The following PRSS55 variants were observed in gnomAD, a reference collection of about 807,000 sequenced individuals.
The protein encoded by PRSS55 is serine protease 55.
A neutral mutation model predicts 23.6 loss-of-function variants in PRSS55; 41 were observed. That is an observed-to-expected ratio of 1.74 (90% CI 1.35 to 2.26). The LOEUF is 2.26. PRSS55 is among the 30% of genes most tolerant of loss of function. The pLI, the probability that PRSS55 is intolerant of heterozygous loss-of-function variation, is 0.00. For missense variants in PRSS55, 669 were observed against 439.1 expected (o/e 1.52, Z -4.68); for synonymous variants, 262 against 175.5 (o/e 1.49, Z -3.90).
chr8:10,542,414 C>CCG (rs373640043), downstream of PRSS55, among the ~76,000 whole-genome samples: 3 of 79,706 alleles, frequency 3.8e-5, no homozygotes, highest in African/African-American at 6.9e-5. Context: ...AAGCACCATG[C>CCG]GGGGGAAAAA....
At chr8:10,536,051 T>C (rs1293914227) in intron 4 of PRSS55, among the ~76,000 whole-genome samples, 3 of 152,046 alleles carry the variant, frequency 2.0e-5, no homozygotes, top group East Asian at 1.9e-4. Flanking sequence ...CCGGGCGTGG[T>C]GGTGGGTACC....
chr8:10,533,853 G>C (rs1812359570), intron 4 of PRSS55, among the ~76,000 whole-genome samples: 1 of 152,156 alleles, frequency 6.6e-6, no homozygotes, highest in Non-Finnish European at 1.5e-5. Context: ...CCATGGAAAA[G>C]AAAGATATTT....
chr8:10,538,320 C>G (rs1020019487), intron 4 of PRSS55, among the ~76,000 whole-genome samples, 156 bp from the exon 5 acceptor site: 1 of 152,224 alleles, frequency 6.6e-6, no homozygotes, highest in African/African-American at 2.4e-5. Context: ...CCAGAGCCAA[C>G]CTGGCAGCCA....
At chr8:10,534,696 G>A (rs1585876931) in intron 4 of PRSS55, among the ~76,000 whole-genome samples, 1 of 152,112 alleles carries the variant, frequency 6.6e-6, no homozygotes, top group Admixed American at 6.5e-5. Context: ...ATTCAACATA[G>A]TACTAGAAGT....
chr8:10,528,665 C>A (rs912236914), intron 1 of PRSS55, among the ~76,000 whole-genome samples: 6 of 152,168 alleles, frequency 3.9e-5, no homozygotes, highest in African/African-American at 7.2e-5. Context: ...TATGCCCCAC[C>A]CCTTGTGGTT....
At position 10,530,446 on chromosome 8, in the gene PRSS55, C is replaced by T. The variant is rs1450687841; in HGVS notation, c.347+747C>T. ...GCCAAGATCGCACCACTGGCACTCC[C>T]GCCTGGGCGACAGAGCGAAACTCCA... On this transcript the variant is annotated intron_variant, in intron 2 of 4. Transcript: ENST00000328655. Among the ~76,000 whole-genome samples the T allele has an allele frequency of 4.6e-5, 7 of 152,326 alleles. No homozygotes were observed. In the East Asian group the frequency reaches 7.7e-4, roughly 17 times the overall value.
intron 4 of PRSS55, among the ~76,000 whole-genome samples, chr8:10,535,448 A>G (rs924814881): frequency 1.3e-5 from 2 of 152,220 alleles, no homozygotes; most frequent in African/African-American, 2.4e-5. Flanking sequence ...ATCAAAGTCA[A>G]CAATAACAAG....
intron 4 of PRSS55, among the ~76,000 whole-genome samples, chr8:10,552,940 T>C (rs571753183): frequency 1.6e-3 from 246 of 152,316 alleles, no homozygotes; most frequent in African/African-American, 5.6e-3. Flanking sequence ...GGAAATGAAA[T>C]CAGTATGTTG....
intron 4 of PRSS55, among the ~76,000 whole-genome samples, chr8:10,549,787 G>C (rs932248122): frequency 7.1e-6 from 1 of 140,106 alleles, no homozygotes; most frequent in Non-Finnish European, 1.6e-5. Flanking sequence ...GCAGCTCCCC[G>C]CTCTGTCATT....
At chr8:10,527,133 T>C (rs1043274321) in intron 1 of PRSS55, among the ~76,000 whole-genome samples, 1 of 152,270 alleles carries the variant, frequency 6.6e-6, no homozygotes, top group African/African-American at 2.4e-5. Context: ...ATGATTTTCA[T>C]CCTGACTTTT....
chr8:10,530,107 G>A (rs550175909), intron 2 of PRSS55, among the ~76,000 whole-genome samples: 1 of 152,362 alleles, frequency 6.6e-6, no homozygotes, highest in South Asian at 2.1e-4. Context: ...CGTTCTCTGT[G>A]TGACAGCATG....
chr8:10,550,611 A>C (rs1411399634), intron 4 of PRSS55, among the ~76,000 whole-genome samples: 1 of 152,172 alleles, frequency 6.6e-6, no homozygotes, highest in East Asian at 1.9e-4. Flanking sequence ...CCCACTTCTG[A>C]GACCGATTGC....
At chr8:10,533,451 T>G (rs1020195798) in intron 4 of PRSS55, among the ~76,000 whole-genome samples, 1 of 152,170 alleles carries the variant, frequency 6.6e-6, no homozygotes, top group African/African-American at 2.4e-5. Context: ...TATGGTTCCT[T>G]ACCTAAGGGA....
intron 4 of PRSS55, among the ~76,000 whole-genome samples, chr8:10,546,466 T>G (rs1348196514): frequency 6.6e-6 from 1 of 152,160 alleles, no homozygotes; most frequent in African/African-American, 2.4e-5. Flanking sequence ...CAGCAGCTAG[T>G]TGCACTTTTG....
downstream of PRSS55, among the ~76,000 whole-genome samples, chr8:10,542,591 C>T (rs749399977): frequency 1.7e-4 from 26 of 151,872 alleles, no homozygotes; most frequent in Non-Finnish European, 1.3e-4. Context: ...ATGACCTGGA[C>T]AGGCACGGTG....
intron 4 of PRSS55, among the ~76,000 whole-genome samples, chr8:10,551,894 A>G (rs1812960136): frequency 6.6e-6 from 1 of 152,236 alleles, no homozygotes; most frequent in Admixed American, 6.5e-5. Flanking sequence ...CCAAAAGCAG[A>G]ACCTTTGCAA....
At chr8:10,540,114 C>T (rs1812604886), downstream of PRSS55, 2 of 152,396 alleles carry the variant, frequency 1.3e-5, no homozygotes, top group South Asian at 4.1e-4. Flanking sequence ...TTGCTGTGTT[C>T]CACCAGCGTG....
chr8:10,536,176 G>C (rs1380621638), intron 4 of PRSS55, among the ~76,000 whole-genome samples: 1 of 151,992 alleles, frequency 6.6e-6, no homozygotes, highest in African/African-American at 2.4e-5. Flanking sequence ...GACAGAGCGA[G>C]ACTCTGTCTC....
intron 4 of PRSS55, chr8:10,545,200 T>C (rs1203985951): frequency 1.4e-5 from 1 of 71,126 alleles, no homozygotes; most frequent in Non-Finnish European, 3.1e-5. Context: ...AAGCCCACAC[T>C]ATTTTTTTTT....
Sources: allele counts gnomAD v4.1 joint callset (sites outside exome capture counted in the v4.1 genomes callset), GRCh38; gene constraint gnomAD v4.1.1; transcripts MANE v1.5; gene names NCBI Gene and HGNC (gene_info 2026-07-23, HGNC 2026-07-21).